Variants in ZDHHC17 observed in about 807,000 individuals in gnomAD.
The protein encoded by ZDHHC17 is palmitoyltransferase ZDHHC17.
A neutral mutation model predicts 90.3 loss-of-function variants in ZDHHC17; 40 were observed. The ratio of observed to expected loss-of-function variants is 0.44; its 90% CI spans 0.34 to 0.58. The LOEUF (loss-of-function observed/expected upper bound fraction) is 0.58, where lower values mean the gene tolerates loss of function less well. Ranked by LOEUF, ZDHHC17 falls within the 20% of genes least tolerant of loss-of-function variation. The pLI is 0.01. For missense variants in ZDHHC17, 614 were observed against 780.8 expected (o/e 0.79, Z 2.55); for synonymous variants, 235 against 252.4 (o/e 0.93, Z 0.65).
chr12:76,774,750 C>T (rs528260712), intron 1 of ZDHHC17, among the ~76,000 whole-genome samples: 1 of 152,180 alleles, frequency 6.6e-6, no homozygotes, highest in South Asian at 2.1e-4. Flanking sequence ...TTCTTAGGGT[C>T]CTTATGAGAT....
intron 3 of ZDHHC17, among the ~76,000 whole-genome samples, chr12:76,807,784 A>G (rs903920652): frequency 2.0e-5 from 3 of 152,192 alleles, no homozygotes; most frequent in Admixed American, 2.0e-4. Context: ...AGAGAAGGGG[A>G]TGAAATTGCT....
rs1454876645 is a variant in ZDHHC17, at chr12:76,853,288, G to A, written c.*2303G>A. 1.3e-5 allele frequency: 2 copies of A among 152,512 alleles called. No individual in the cohort carries two copies. Among genetic ancestry groups the A allele is most frequent in the Non-Finnish European group, 2.9e-5 (2 of 68,012 alleles). 9.4% of individuals were successfully genotyped at this position (152,512 alleles called of 1,614,324 possible). On this transcript the variant is annotated 3_prime_UTR_variant, in exon 17 of 17. Coordinates refer to ENST00000426126, the MANE Select transcript of ZDHHC17 (RefSeq NM_015336.4). ...ATACCATCTGTTTAATTATTTTGTA[G>A]GTCCTGTGTGTGGAACCAACTATAA...
Position 76,848,272 on chromosome 12 carries a change from G to A in ZDHHC17, c.1547G>A (p.Gly516Glu), listed in dbSNP as rs772262076. Residue 516 changes from glycine (G) to glutamate (E), a missense_variant, in exon 15 of 17, where the codon GGA becomes GAA. Transcript: ENST00000426126. The part of the protein sequence containing the change: ...LHCETTYTKD[G>E]FWTYITQIAT... ...TGTGAGACCACTTACACCAAGGATG[G>A]ATTTTGGACATACATTACTCAGATT... 1 of 1,613,892 alleles carries A rather than the reference G, an allele frequency of 6.2e-7. No homozygotes were observed. Among genetic ancestry groups the A allele is most frequent in the Non-Finnish European group, 8.5e-7 (1 of 1,179,842 alleles).
chr12:76,828,363 A>T, intron 9 of ZDHHC17, 27 bp from the exon 10 acceptor site: 1 of 1,541,904 alleles, frequency 6.5e-7, no homozygotes, highest in South Asian at 1.2e-5. Context: ...TATAGAGCTC[A>T]TATTTTATAA....
At chr12:76,820,940 C>A in intron 7 of ZDHHC17, 1 of 589,954 alleles carries the variant, frequency 1.7e-6, no homozygotes, top group Non-Finnish European at 2.7e-6. Flanking sequence ...TAATATACTT[C>A]TTTAAATGAA....
At chr12:76,799,369 G>T (rs1952860797) in intron 2 of ZDHHC17, among the ~76,000 whole-genome samples, 1 of 152,118 alleles carries the variant, frequency 6.6e-6, no homozygotes, top group South Asian at 2.1e-4. Context: ...TAAAGACTTG[G>T]TGTGCTTTTG....
chr12:76,847,403 A>T (rs1024646465), intron 14 of ZDHHC17, among the ~76,000 whole-genome samples: 3 of 152,264 alleles, frequency 2.0e-5, no homozygotes, highest in Non-Finnish European at 2.9e-5. Flanking sequence ...CTAATGAACC[A>T]AAGGAGGTTA....
At chr12:76,820,718 T>C (rs1953154001) in intron 7 of ZDHHC17, among the ~76,000 whole-genome samples, 1 of 152,168 alleles carries the variant, frequency 6.6e-6, no homozygotes, top group South Asian at 2.1e-4. Context: ...ACGATGAAAT[T>C]CAACCTTACG....
rs367887983 is a variant in ZDHHC17, at chr12:76,770,852, G to A, written c.93+6523G>A. Among the ~76,000 whole-genome samples, 848 of 149,330 alleles carry A rather than the reference G, an allele frequency of 5.7e-3. 5 individuals carry two copies. The highest frequency in any genetic ancestry group is 0.045 in the Middle Eastern group (13 of 292). ...CTCGGGAGGCTGAGGCAGGAGAATC[G>A]CTTGAACCTGGGAGGCAGAGGTTGT... On this transcript the variant is annotated intron_variant, in intron 1 of 16. Coordinates refer to ENST00000426126, the MANE Select transcript of ZDHHC17 (RefSeq NM_015336.4).
intron 7 of ZDHHC17, chr12:76,820,976 TA>T: frequency 1.2e-6 from 1 of 849,854 alleles, no homozygotes; most frequent in Non-Finnish European, 1.7e-6. Flanking sequence ...ACCAGCTGAA[TA>T]AAAGAACTAT....
At chr12:76,809,630 T>C in intron 4 of ZDHHC17, 83 bp from the exon 5 acceptor site, 1 of 1,147,416 alleles carries the variant, frequency 8.7e-7, no homozygotes, top group Non-Finnish European at 1.2e-6. Context: ...CTTCCCACCA[T>C]ACCTTACTTG....
intron 15 of ZDHHC17, 140 bp from the exon 16 acceptor site, chr12:76,849,236 G>A (rs1428075642): frequency 1.1e-5 from 5 of 441,214 alleles, no homozygotes; most frequent in East Asian, 7.7e-5. Flanking sequence ...GGGAGGTGGC[G>A]GGGGTGGAAT....
In ZDHHC17 at chr12:76,852,503, T is replaced by TTAA. The variant is rs1203584223; in HGVS notation, c.*1521_*1523dup. ...CTTCTAGTGATGTTCAAAATTGCTG[T>TTAA]TAATAGGCATTATACCCTGCAAGTT... On this transcript the variant is annotated 3_prime_UTR_variant, in exon 17 of 17. Coordinates refer to ENST00000426126, the MANE Select transcript of ZDHHC17 (RefSeq NM_015336.4). 1 of 152,684 alleles carries TTAA rather than the reference T, an allele frequency of 6.5e-6. No individual in the cohort carries two copies. The highest frequency in any genetic ancestry group is 2.4e-5 in the African/African-American group (1 of 41,468). 9.5% of individuals were successfully genotyped at this position (152,684 alleles called of 1,614,324 possible). A position where few individuals can be genotyped will look rare whatever the true frequency, so the allele number is the denominator to read the frequency against.
At chr12:76,787,642 GTCTCTT>G (rs962284448) in intron 1 of ZDHHC17, among the ~76,000 whole-genome samples, 2 of 137,146 alleles carry the variant, frequency 1.5e-5, no homozygotes, top group African/African-American at 5.5e-5. Context: ...CTCTCTCTCT[GTCTCTT>G]GTGTGTGTGT....
chr12:76,836,763 G>A (rs74980687), intron 10 of ZDHHC17, among the ~76,000 whole-genome samples: 2,526 of 152,134 alleles, frequency 0.017, 82 homozygotes, highest in African/African-American at 0.057. Context: ...TTTATTGAGC[G>A]ACCTATGGTA....
At chr12:76,820,976 T>C in intron 7 of ZDHHC17, 1 of 849,858 alleles carries the variant, frequency 1.2e-6, no homozygotes, top group South Asian at 1.4e-5. Flanking sequence ...ACCAGCTGAA[T>C]AAAAGAACTA....
intron 2 of ZDHHC17, among the ~76,000 whole-genome samples, chr12:76,801,646 T>A (rs1026167372): frequency 3.3e-5 from 5 of 152,032 alleles, no homozygotes; most frequent in African/African-American, 1.2e-4. Context: ...ACAGCAAGAC[T>A]CTGTCTCAAA....
At chr12:76,837,536 G>A (rs1010100938) in intron 10 of ZDHHC17, among the ~76,000 whole-genome samples, 3 of 152,062 alleles carry the variant, frequency 2.0e-5, no homozygotes, top group African/African-American at 7.2e-5. Context: ...TGTTACCATT[G>A]AGATTAAAAA....
At chr12:76,775,371 A>G (rs1952547103) in intron 1 of ZDHHC17, among the ~76,000 whole-genome samples, 1 of 152,186 alleles carries the variant, frequency 6.6e-6, no homozygotes. Context: ...GCTCATAAAC[A>G]ATATTGTGAT....
Sources: allele counts gnomAD v4.1 joint callset (sites outside exome capture counted in the v4.1 genomes callset), GRCh38; gene constraint gnomAD v4.1.1; transcripts MANE v1.5; gene names NCBI Gene and HGNC (gene_info 2026-07-23, HGNC 2026-07-21).